Variants in TRPC4 observed in about 807,000 individuals in gnomAD.
TRPC4 encodes the protein short transient receptor potential channel 4.
In TRPC4, 49 loss-of-function variants were observed where a neutral mutation model predicts 99.4. That is an observed-to-expected ratio of 0.49 (90% CI 0.39 to 0.63). TRPC4 has a LOEUF of 0.63. Among genes scored for constraint, TRPC4 ranks in the 20% least tolerant of loss-of-function variants. The pLI is 0.00. For synonymous variants in TRPC4, 454 were observed against 425.9 expected (o/e 1.07, Z -0.81); for missense variants, 898 against 1,152.9 (o/e 0.78, Z 3.20).
chr13:37,855,017 G>A (rs927198905), intron 1 of TRPC4: 1 of 151,628 alleles, frequency 6.6e-6, no homozygotes, highest in African/African-American at 2.4e-5. Context: ...AATAGAATAA[G>A]CTTTTCAATC....
intron 2 of TRPC4, among the ~76,000 whole-genome samples, chr13:37,782,122 A>C (rs545597146): frequency 6.6e-6 from 1 of 152,194 alleles, no homozygotes; most frequent in African/African-American, 2.4e-5. Context: ...GGAAGTGACG[A>C]GTACAGTGTG....
At position 37,834,264 on chromosome 13, in the gene TRPC4, C is replaced by T. The variant is rs1035984144; in HGVS notation, c.-28+35331G>A. Among the ~76,000 whole-genome samples the T allele has an allele frequency of 2.6e-5, 4 of 152,276 alleles. No homozygotes were observed. The South Asian group carries it at 8.3e-4, about 32-fold the overall frequency. On this transcript the variant is annotated intron_variant, in intron 1 of 10. Coordinates refer to ENST00000379705, the MANE Select transcript of TRPC4 (RefSeq NM_016179.4). ...ATTTAATTTTTTCACTCTTATGCATCCTTCCAAATTCTAATTGTTTCCTAA... is the reference window on the plus strand; with the variant it reads ...ATTTAATTTTTTCACTCTTATGCATTCTTCCAAATTCTAATTGTTTCCTAA...
In TRPC4 at chr13:37,702,007, C is replaced by T. The variant is rs73456486; in HGVS notation, c.898-9672G>A. Among the ~76,000 whole-genome samples, 1,452 of 152,134 alleles carry T rather than the reference C, an allele frequency of 9.5e-3. 34 individuals are homozygous for T. The highest frequency in any genetic ancestry group is 0.033 in the African/African-American group (1,363 of 41,490). ...AATTCTAAAACCAGAGTGTTGGCAG[C>T]GCCATGCTTTCTCTGAGACTCTGGG... On this transcript the variant is annotated intron_variant, in intron 3 of 10. Transcript: ENST00000379705.
chr13:37,765,741 C>G (rs1051846506), intron 2 of TRPC4, among the ~76,000 whole-genome samples: 5 of 151,396 alleles, frequency 3.3e-5, no homozygotes, highest in African/African-American at 9.7e-5. Flanking sequence ...GTTTGTTGAT[C>G]TGTATTAAAT....
At chr13:37,835,202 GCTGA>G (rs796108626) in intron 1 of TRPC4, among the ~76,000 whole-genome samples, 3 of 152,150 alleles carry the variant, frequency 2.0e-5, no homozygotes, top group Admixed American at 6.5e-5. Flanking sequence ...GCTTCAGTCG[GCTGA>G]CTGTTTCATT....
rs932809974 is a variant in TRPC4 at position 37,706,517 on chromosome 13, G to A, written c.898-14182C>T. Among the ~76,000 whole-genome samples the A allele has an allele frequency of 1.9e-4, 29 of 151,998 alleles. 1 individual carries two copies. The highest frequency in any genetic ancestry group is 7.0e-4 in the African/African-American group (29 of 41,386). On this transcript the variant is annotated intron_variant, in intron 3 of 10. Coordinates refer to ENST00000379705, the MANE Select transcript of TRPC4 (RefSeq NM_016179.4). The stretch of plus-strand genomic sequence containing the variant: ...TATACTTTTAAGTTTTAGGGTACAT[G>A]TGCACAATGTGCAGGTTTGTTACAT...
chr13:37,789,060 C>T (rs2139377789), intron 1 of TRPC4, among the ~76,000 whole-genome samples: 1 of 152,188 alleles, frequency 6.6e-6, no homozygotes, highest in African/African-American at 2.4e-5. Context: ...TCCCCAGTGC[C>T]ACATACCTAA....
At chr13:37,642,596 T>C (rs1951748705) in intron 8 of TRPC4, among the ~76,000 whole-genome samples, 1 of 152,106 alleles carries the variant, frequency 6.6e-6, no homozygotes, top group Non-Finnish European at 1.5e-5. Context: ...TGCAAGATAT[T>C]GGGAAAGCTG....
chr13:37,762,807 T>C (rs187297121), intron 2 of TRPC4, among the ~76,000 whole-genome samples: 6,246 of 150,236 alleles, frequency 0.042, 454 homozygotes, highest in African/African-American at 0.15. Context: ...GCATGGCACA[T>C]GTATACATAT....
chr13:37,646,126 T>C (rs755736712), intron 8 of TRPC4, among the ~76,000 whole-genome samples: 12 of 152,342 alleles, frequency 7.9e-5, no homozygotes, highest in African/African-American at 1.2e-4. Context: ...TGCTAATCTA[T>C]TCACAGTTTC....
intron 4 of TRPC4, among the ~76,000 whole-genome samples, chr13:37,675,531 A>G (rs192482653): frequency 1.6e-3 from 241 of 152,274 alleles, no homozygotes; most frequent in Non-Finnish European, 2.2e-3. Flanking sequence ...GAGAAATATT[A>G]TAGTTCAAGC....
chr13:37,753,559 AAG>A (rs770462488), intron 2 of TRPC4, among the ~76,000 whole-genome samples: 3 of 131,732 alleles, frequency 2.3e-5, no homozygotes, highest in African/African-American at 2.9e-5. Context: ...CAGAGAAAGA[AAG>A]AGAGAGAGAG....
At chr13:37,652,724 C>G (rs9532093) in intron 7 of TRPC4, among the ~76,000 whole-genome samples, 98 of 151,668 alleles carry the variant, frequency 6.5e-4, no homozygotes, top group Middle Eastern at 3.4e-3. Context: ...GAATGGGACT[C>G]AGCAGATTTG....
At chr13:37,654,252 T>A (rs7319663) in intron 7 of TRPC4, among the ~76,000 whole-genome samples, 37,776 of 152,014 alleles carry the variant, frequency 0.25, 5,351 homozygotes, top group East Asian at 0.68. Context: ...TGGAATGTAA[T>A]TATTTATGAA....
chr13:37,677,897 A>G (rs114920602), intron 4 of TRPC4, among the ~76,000 whole-genome samples: 2,408 of 152,262 alleles, frequency 0.016, 66 homozygotes, highest in African/African-American at 0.055. Context: ...ACCTCAGCAC[A>G]TTTATTTAGG....
At chr13:37,790,732 A>G (rs946207825) in intron 1 of TRPC4, among the ~76,000 whole-genome samples, 2 of 152,150 alleles carry the variant, frequency 1.3e-5, no homozygotes, top group African/African-American at 4.8e-5. Context: ...ACAGGCCAGA[A>G]AACTCGGTAT....
chr13:37,746,590 A>G, intron 2 of TRPC4, 135 bp from the exon 3 acceptor site: 1 of 943,564 alleles, frequency 1.1e-6, no homozygotes, highest in Non-Finnish European at 1.5e-6. Context: ...TGTAGGAGAG[A>G]TATGGTCTTT....
At chr13:37,733,094 A>G (rs1340011135) in intron 3 of TRPC4, among the ~76,000 whole-genome samples, 1 of 152,170 alleles carries the variant, frequency 6.6e-6, no homozygotes. Flanking sequence ...GCAACATGGC[A>G]AAACCTTGTC....
At chr13:37,822,282 TTTA>T (rs1958035981) in intron 1 of TRPC4, among the ~76,000 whole-genome samples, 1 of 152,072 alleles carries the variant, frequency 6.6e-6, no homozygotes, top group Non-Finnish European at 1.5e-5. Flanking sequence ...TGGTTTTTTT[TTTA>T]TTATTATACT....
Sources: gnomAD v4.1 joint callset for allele counts (sites outside exome capture counted in the v4.1 genomes callset) on GRCh38, gnomAD v4.1.1 for gene constraint, MANE v1.5 for transcripts, NCBI Gene and HGNC (gene_info 2026-07-23, HGNC 2026-07-21) for gene names.